KCNK17: variants seen among roughly 807,000 people sequenced by gnomAD.
KCNK17 encodes the protein potassium channel subfamily K member 17.
A neutral mutation model predicts 24.6 loss-of-function variants in KCNK17; 27 were observed. That is an observed-to-expected ratio of 1.10 (90% CI 0.81 to 1.51). The LOEUF (loss-of-function observed/expected upper bound fraction) is 1.51. Among genes scored for constraint, KCNK17 ranks in the 40% most tolerant of loss-of-function variants. KCNK17 has a pLI of 0.00. For missense variants in KCNK17, 450 were observed against 436.6 expected (o/e 1.03, Z -0.27); for synonymous variants, 181 against 189.8 (o/e 0.95, Z 0.38).
intron 4 of KCNK17, among the ~76,000 whole-genome samples, chr6:39,303,281 C>T (rs1761973826): frequency 1.3e-5 from 2 of 152,170 alleles, no homozygotes; most frequent in South Asian, 2.1e-4. Flanking sequence ...CCAGCGGCAC[C>T]TTCAGGGACA....
intron 4 of KCNK17, among the ~76,000 whole-genome samples, chr6:39,300,972 G>T (rs1761943096): frequency 6.6e-6 from 1 of 152,204 alleles, no homozygotes; most frequent in Admixed American, 6.5e-5. Context: ...GTAAAATGGA[G>T]ACAGTAAGAG....
intron 4 of KCNK17, among the ~76,000 whole-genome samples, chr6:39,302,219 T>A (rs1157067308): frequency 6.6e-6 from 1 of 152,176 alleles, no homozygotes; most frequent in Non-Finnish European, 1.5e-5. Flanking sequence ...CAGTGGCCGC[T>A]GGGCAGGAGT....
intron 2 of KCNK17, among the ~76,000 whole-genome samples, chr6:39,304,981 G>A (rs1453361694): frequency 2.0e-5 from 3 of 152,200 alleles, no homozygotes; most frequent in Non-Finnish European, 4.4e-5. Flanking sequence ...CTCTCTTCAT[G>A]TCCTCCCTCT....
In KCNK17 at chr6:39,314,415, C is replaced by T. The variant is rs1258901313; in HGVS notation, c.-95G>A. 4.4e-6 allele frequency: 4 copies of T among 914,340 alleles called. No individual in the cohort carries two copies. In the Admixed American group the frequency reaches 1.0e-4, roughly 23 times the overall value. The allele number at this position is 914,340 out of a possible 1,614,324, so 56.6% of individuals were successfully genotyped here. ...TCCAGCTCGTATCTCCTCTCGCAAACGCCTGCTGGTGCCCGGTTTCGCCGG... is the reference window on the plus strand; with the variant it reads ...TCCAGCTCGTATCTCCTCTCGCAAATGCCTGCTGGTGCCCGGTTTCGCCGG... On this transcript the variant is annotated 5_prime_UTR_variant, in exon 1 of 5. Coordinates refer to ENST00000373231, the MANE Select transcript of KCNK17 (RefSeq NM_031460.4).
chr6:39,309,602 G>A (rs1231780670), intron 2 of KCNK17, among the ~76,000 whole-genome samples: 1 of 152,162 alleles, frequency 6.6e-6, no homozygotes, highest in Non-Finnish European at 1.5e-5. Flanking sequence ...TCTGAATTTG[G>A]TGGGCCAAAG....
rs778280024 is a variant in KCNK17 at position 39,299,609 on chromosome 6, C to T, written c.817G>A (p.Val273Ile). Reference sequence around the variant, plus strand: ...GAGCTGTGGTGGCAGCAGGAACATACCCTCCCTGGCGTCTCCAGCTGGGAG... The same window carrying T: ...GAGCTGTGGTGGCAGCAGGAACATATCCTCCCTGGCGTCTCCAGCTGGGAG... The part of the protein sequence containing the change: ...ILSQLETPGR[V>I]CSCCHHSSKE... The change falls in exon 5 of 5, where the codon GTA becomes ATA. Residue 273 changes from valine (V) to isoleucine (I), a missense_variant. Physicochemically the swap from Val to Ile is conservative, Grantham distance 29. Transcript: ENST00000373231. 10 of 1,614,028 alleles carry T rather than the reference C, an allele frequency of 6.2e-6. No individual in the cohort carries two copies. The highest frequency in any genetic ancestry group is 5.0e-5 in the Admixed American group (3 of 59,998).
Position 39,314,045 on chromosome 6 carries a change from C to T in KCNK17, c.237+39G>A, listed in dbSNP as rs956253428. 54 of 1,484,424 alleles carry T rather than the reference C, an allele frequency of 3.6e-5. 1 individual carries two copies. The highest frequency in any genetic ancestry group is 4.5e-5 in the Non-Finnish European group (50 of 1,107,278). 92.0% of individuals were successfully genotyped at this position (1,484,424 alleles called of 1,614,324 possible). A position where few individuals can be genotyped will look rare whatever the true frequency, so the allele number is the denominator to read the frequency against. ...CCGTACACCCCGCGGCCCGCTACCCCATCCCGCCGCGCCCAGGCCGACGCC... is the reference window on the plus strand; with the variant it reads ...CCGTACACCCCGCGGCCCGCTACCCTATCCCGCCGCGCCCAGGCCGACGCC... On this transcript the variant is annotated intron_variant, in intron 1 of 4. Coordinates refer to ENST00000373231, the MANE Select transcript of KCNK17 (RefSeq NM_031460.4).
At chr6:39,311,455 A>T (rs754545035) in intron 1 of KCNK17, among the ~76,000 whole-genome samples, 1 of 152,180 alleles carries the variant, frequency 6.6e-6, no homozygotes, top group Non-Finnish European at 1.5e-5. Context: ...GATGCAGTCA[A>T]TGTCACTTTG....
At chr6:39,302,173 C>G (rs537590883) in intron 4 of KCNK17, among the ~76,000 whole-genome samples, 26 of 152,276 alleles carry the variant, frequency 1.7e-4, no homozygotes, top group African/African-American at 6.0e-4. Context: ...TAGCAAGTCT[C>G]CATAGATGTG....
intron 1 of KCNK17, among the ~76,000 whole-genome samples, chr6:39,312,654 G>C (rs769202708): frequency 3.9e-5 from 6 of 152,188 alleles, no homozygotes; most frequent in Non-Finnish European, 7.3e-5. Flanking sequence ...AAATGAATAC[G>C]GGTAAAGTAC....
chr6:39,303,762 C>T (rs986553509), intron 4 of KCNK17, among the ~76,000 whole-genome samples, 195 bp downstream of exon 4: 3 of 152,190 alleles, frequency 2.0e-5, no homozygotes, highest in African/African-American at 7.2e-5. Context: ...TGGACCTCTC[C>T]GCGTTGGTCA....
At chr6:39,300,335 G>T in intron 4 of KCNK17, 2 of 734,658 alleles carry the variant, frequency 2.7e-6, no homozygotes, top group Non-Finnish European at 4.8e-6. Flanking sequence ...TGTTGCCCAG[G>T]CTGGTCTTGA....
intron 2 of KCNK17, 106 bp from the exon 3 acceptor site, chr6:39,304,761 A>C: frequency 1.6e-6 from 2 of 1,235,306 alleles, no homozygotes; most frequent in Non-Finnish European, 2.3e-6. Flanking sequence ...ATTCTAACCC[A>C]CTGTAGATGT....
chr6:39,310,867 T>TC (rs1762121097), intron 2 of KCNK17, 26 bp downstream of exon 2: 3 of 681,654 alleles, frequency 4.4e-6, no homozygotes, highest in Non-Finnish European at 7.6e-6. Flanking sequence ...CCCACCCCCA[T>TC]CCCCCTGGCC....
In KCNK17 at chr6:39,299,659, A is replaced by G; in HGVS notation, c.767T>C (p.Leu256Pro). ...GAGGATGAGTTTGATGATCAAGGCC[A>G]GCCATGCCATCCCAAAGAGGATCCA... ...SLWILFGMAW[L>P]ALIIKLILSQ... is the part of the protein sequence containing the mutation. Residue 256 changes from leucine to proline, a missense_variant, in exon 5 of 5, where the codon CTG becomes CCG. Leu to Pro is a moderately conservative substitution (Grantham distance 98). Transcript: ENST00000373231. The G allele has an allele frequency of 6.2e-7, 1 of 1,614,138 alleles. No homozygotes were observed. Among genetic ancestry groups the G allele is most frequent in the Non-Finnish European group, 8.5e-7 (1 of 1,180,022 alleles).
Position 39,314,366 on chromosome 6 carries a change from C to A in KCNK17, c.-46G>T. 2.3e-6 allele frequency: 3 copies of A among 1,311,172 alleles called. No individual in the cohort carries two copies. The highest frequency in any genetic ancestry group is 3.0e-6 in the Non-Finnish European group (3 of 1,007,594). The allele number at this position is 1,311,172 out of a possible 1,614,324, so 81.2% of individuals were successfully genotyped here. On this transcript the variant is annotated 5_prime_UTR_variant, in exon 1 of 5. Coordinates refer to ENST00000373231, the MANE Select transcript of KCNK17 (RefSeq NM_031460.4). ...GGCGCCGGGAGCGGTGGACTAGGAC[C>A]CGGTGGGAGGGAAGGGCCAGGCGTC...
At chr6:39,301,295 G>A (rs977296671) in intron 4 of KCNK17, among the ~76,000 whole-genome samples, 6 of 152,096 alleles carry the variant, frequency 3.9e-5, no homozygotes, top group South Asian at 2.1e-4. Flanking sequence ...CTATTCCTTC[G>A]TCATCCTTTT....
rs765417277 is a variant in KCNK17, at chr6:39,299,424, T to C, written c.*3A>G. ...AGGACGACGACCAAAGAATGGAGTA[T>C]AACTAGCTGTCCTTGCCACAGCCTG... On this transcript the variant is annotated 3_prime_UTR_variant, in exon 5 of 5. Transcript: ENST00000373231. The C allele has an allele frequency of 3.7e-6, 6 of 1,609,342 alleles. No homozygotes were observed. Among genetic ancestry groups the C allele is most frequent in the South Asian group, 3.3e-5 (3 of 90,882 alleles).
At chr6:39,302,753 G>A (rs1302298090) in intron 4 of KCNK17, among the ~76,000 whole-genome samples, 1 of 152,152 alleles carries the variant, frequency 6.6e-6, no homozygotes, top group Non-Finnish European at 1.5e-5. Context: ...TGAGGGTAAA[G>A]GTGGGAACAT....
Sources: gnomAD v4.1 joint callset for allele counts (sites outside exome capture counted in the v4.1 genomes callset) on GRCh38, gnomAD v4.1.1 for gene constraint, MANE v1.5 for transcripts, NCBI Gene and HGNC (gene_info 2026-07-23, HGNC 2026-07-21) for gene names.